Variants in LINGO2 observed in about 807,000 individuals in gnomAD.
LINGO2 encodes the protein leucine rich repeat and Ig domain containing 2.
Under a neutral mutation model 30.6 loss-of-function variants are expected in LINGO2, and 14 were observed. That is an observed-to-expected ratio of 0.46 (90% CI 0.30 to 0.72). The LOEUF (loss-of-function observed/expected upper bound fraction) is 0.72. LINGO2 is among the 30% of genes least tolerant of loss of function. The pLI is 0.07. For missense variants in LINGO2, 729 were observed against 751.7 expected (o/e 0.97, Z 0.35); for synonymous variants, 317 against 288.5 (o/e 1.10, Z -1.00).
the LINGO2 span, among the ~76,000 whole-genome samples, chr9:28,846,332 A>G: frequency 6.6e-6 from 1 of 151,638 alleles, no homozygotes; most frequent in Non-Finnish European, 1.5e-5. Context: ...ATCATACCCA[A>G]AATGGGTGGT....
In LINGO2 at chr9:28,578,536, C is replaced by G. The variant is rs897135082; in HGVS notation, c.-365+91664G>C. Reference sequence around the variant, plus strand: ...ATTATTAATCAGAAATAAGACGTCTCTTACAAGACTCAATTTATAACATGG... The same window carrying G: ...ATTATTAATCAGAAATAAGACGTCTGTTACAAGACTCAATTTATAACATGG... On this transcript the variant is annotated intron_variant, in intron 1 of 5. Transcript: ENST00000379992. 2.0e-5 allele frequency among the ~76,000 whole-genome samples: 3 copies of G among 152,196 alleles called. No individual in the cohort carries two copies. The East Asian group carries it at 5.8e-4, about 29-fold the overall frequency.
At chr9:28,614,809 A>G (rs1826066752) in intron 1 of LINGO2, among the ~76,000 whole-genome samples, 1 of 152,130 alleles carries the variant, frequency 6.6e-6, no homozygotes, top group African/African-American at 2.4e-5. Context: ...ATTTACTGGG[A>G]ACAAGTTTTA....
chr9:28,986,190 C>G, the LINGO2 span, among the ~76,000 whole-genome samples: 61 of 151,906 alleles, frequency 4.0e-4, no homozygotes, highest in East Asian at 0.01. Context: ...CATTTCTGAG[C>G]TCTCTATTCT....
the LINGO2 span, among the ~76,000 whole-genome samples, chr9:29,025,803 C>A: frequency 6.6e-6 from 1 of 152,118 alleles, no homozygotes; most frequent in Non-Finnish European, 1.5e-5. Flanking sequence ...CATCTCCCCC[C>A]TCTACCCTTA....
chr9:28,956,191 A>G, the LINGO2 span, among the ~76,000 whole-genome samples: 1 of 152,066 alleles, frequency 6.6e-6, no homozygotes, highest in Non-Finnish European at 1.5e-5. Flanking sequence ...CTGGGCTGCT[A>G]TTCACCATTA....
the LINGO2 span, among the ~76,000 whole-genome samples, chr9:29,147,125 T>C: frequency 0.042 from 6,327 of 152,216 alleles, 203 homozygotes; most frequent in Admixed American, 0.08. Context: ...CATTTCTTAC[T>C]ATATTTTCCA....
intron 1 of LINGO2, among the ~76,000 whole-genome samples, chr9:28,554,375 A>C (rs1344536054): frequency 1.4e-5 from 2 of 146,362 alleles, no homozygotes; most frequent in Non-Finnish European, 3.0e-5. Context: ...CTGACTTTAA[A>C]CCAACAAAGA....
At chr9:28,556,734 T>G (rs1822722918) in intron 1 of LINGO2, among the ~76,000 whole-genome samples, 2 of 151,954 alleles carry the variant, frequency 1.3e-5, no homozygotes, top group South Asian at 4.2e-4. Flanking sequence ...TCACACTACC[T>G]GACTTCAAAC....
At chr9:28,440,730 C>G (rs111881172) in intron 2 of LINGO2, among the ~76,000 whole-genome samples, 2,362 of 152,168 alleles carry the variant, frequency 0.016, 66 homozygotes, top group African/African-American at 0.054. Context: ...TAAAAATAAA[C>G]AGAGATCACA....
the LINGO2 span, among the ~76,000 whole-genome samples, chr9:28,797,481 A>C: frequency 6.6e-6 from 1 of 151,138 alleles, no homozygotes; most frequent in Non-Finnish European, 1.5e-5. Context: ...TCTCACTGTT[A>C]GATATTGGAT....
the LINGO2 span, among the ~76,000 whole-genome samples, chr9:29,004,215 T>C: frequency 6.6e-6 from 1 of 152,026 alleles, no homozygotes; most frequent in Non-Finnish European, 1.5e-5. Flanking sequence ...ACCCTTTATA[T>C]GTGATATTTC....
intron 3 of LINGO2, among the ~76,000 whole-genome samples, chr9:28,319,615 T>C (rs1824966650): frequency 6.6e-6 from 1 of 152,100 alleles, no homozygotes; most frequent in Non-Finnish European, 1.5e-5. Flanking sequence ...TAAATAAAAG[T>C]GTTACATACT....
intron 1 of LINGO2, among the ~76,000 whole-genome samples, chr9:28,506,107 T>C (rs1355753864): frequency 6.6e-6 from 1 of 151,700 alleles, no homozygotes; most frequent in Admixed American, 6.6e-5. Flanking sequence ...TTTACCTATA[T>C]GATATAGTTT....
chr9:28,045,860 C>T (rs1392725128), intron 4 of LINGO2, among the ~76,000 whole-genome samples: 1 of 152,146 alleles, frequency 6.6e-6, no homozygotes, highest in Non-Finnish European at 1.5e-5. Context: ...CTATGAGAAA[C>T]TACAATGTTC....
At chr9:28,569,720 A>G (rs541770462) in intron 1 of LINGO2, among the ~76,000 whole-genome samples, 1 of 152,116 alleles carries the variant, frequency 6.6e-6, no homozygotes, top group African/African-American at 2.4e-5. Flanking sequence ...CATGGTTACT[A>G]TAGTTAACAA....
chr9:28,026,914 G>A (rs759917112), intron 4 of LINGO2, among the ~76,000 whole-genome samples: 7 of 152,022 alleles, frequency 4.6e-5, no homozygotes, highest in African/African-American at 1.2e-4. Flanking sequence ...GCTTTTTCAC[G>A]ACCTAGATCT....
the LINGO2 span, among the ~76,000 whole-genome samples, chr9:28,933,553 A>C: frequency 1.4e-4 from 22 of 152,290 alleles, no homozygotes; most frequent in Middle Eastern, 6.8e-3. Context: ...ATGGGAGTAC[A>C]GGGTAGCTCC....
chr9:28,722,834 G>A, the LINGO2 span, among the ~76,000 whole-genome samples: 2 of 152,050 alleles, frequency 1.3e-5, no homozygotes, highest in Non-Finnish European at 1.5e-5. Flanking sequence ...GTGATAAGTC[G>A]TTCAACCTAT....
chr9:28,634,775 C>G lies in LINGO2; in HGVS notation c.-365+35425G>C, dbSNP rs138215525. On this transcript the variant is annotated intron_variant, in intron 1 of 5. Coordinates refer to ENST00000379992, the Ensembl canonical transcript of LINGO2. ...TGCTAGGATTACAGGCATGAGCCAC[C>G]GCACCCGGCCTCCCTACTTTCAACC... 8.2e-3 allele frequency among the ~76,000 whole-genome samples: 1,251 copies of G among 152,150 alleles called. 26 individuals are homozygous for G. Among genetic ancestry groups the G allele is most frequent in the East Asian group, 0.036 (188 of 5,178 alleles).
Sources: allele counts gnomAD v4.1 joint callset (sites outside exome capture counted in the v4.1 genomes callset), GRCh38; gene constraint gnomAD v4.1.1; transcripts MANE v1.5; gene names NCBI Gene and HGNC (gene_info 2026-07-23, HGNC 2026-07-21).